The following CADPS2 variants were observed in gnomAD, a reference collection of about 807,000 sequenced individuals.
CADPS2 encodes the protein calcium-dependent secretion activator 2.
In CADPS2, 93 loss-of-function variants were observed where a neutral mutation model predicts 172.5. The observed-to-expected ratio is 0.54, with a 90% CI of 0.46 to 0.64. The LOEUF (loss-of-function observed/expected upper bound fraction) is 0.64. CADPS2 is among the 30% of genes least tolerant of loss of function. CADPS2 has a pLI of 0.00. For missense variants in CADPS2, 1,420 were observed against 1,565.9 expected, an observed-to-expected ratio of 0.91 and a Z score of 1.57; for synonymous variants, 546 against 555.2, an observed-to-expected ratio of 0.98 and a Z score of 0.23.
Position 122,429,004 on chromosome 7 carries a change from A to G in CADPS2, c.2476+9337T>C, listed in dbSNP as rs527966101. Among the ~76,000 whole-genome samples the G allele has an allele frequency of 1.8e-3, 275 of 152,286 alleles. 3 individuals are homozygous for G. Among genetic ancestry groups the G allele is most frequent in the African/African-American group, 6.2e-3 (258 of 41,564 alleles). On this transcript the variant is annotated intron_variant, in intron 17 of 29. Coordinates refer to ENST00000449022, the MANE Select transcript of CADPS2 (RefSeq NM_017954.11). The stretch of plus-strand genomic sequence containing the variant: ...AGACATTTTCTGAGAAAACAAATGA[A>G]TAAAGTAAACATGTCACTTTAAGAA...
chr7:122,409,813 G>T (rs2047086098), intron 19 of CADPS2, among the ~76,000 whole-genome samples: 1 of 152,100 alleles, frequency 6.6e-6, no homozygotes, highest in Non-Finnish European at 1.5e-5. Flanking sequence ...CTTCCTGTGG[G>T]GTGGCTGAGA....
At chr7:122,871,606 A>G (rs1352626634) in intron 1 of CADPS2, among the ~76,000 whole-genome samples, 1 of 152,104 alleles carries the variant, frequency 6.6e-6, no homozygotes, top group African/African-American at 2.4e-5. Context: ...AATACGGTTT[A>G]GGAATGTCAA....
intron 10 of CADPS2, 33 bp from the exon 11 acceptor site, chr7:122,490,314 T>C: frequency 1.3e-6 from 2 of 1,594,456 alleles, no homozygotes; most frequent in East Asian, 4.5e-5. Flanking sequence ...TCATTAAAAA[T>C]TTATAGGATT....
intron 1 of CADPS2, among the ~76,000 whole-genome samples, chr7:122,799,122 T>C (rs1797012732): frequency 6.6e-6 from 1 of 152,132 alleles, no homozygotes; most frequent in Non-Finnish European, 1.5e-5. Flanking sequence ...TTTGTAGTCT[T>C]TGCACCATTC....
At position 122,886,171 on chromosome 7, in the gene CADPS2, G is replaced by C; in HGVS notation, c.167C>G (p.Ser56Cys). Reference protein sequence around the residue: ...GRAGGGGAARSVSPSPSVLSE... With the variant: ...GRAGGGGAARCVSPSPSVLSE... ...GAGCACAGAGGGGCTCGGGCTCACA[G>C]ATCTGGCCGCGCCGCCGCCGCCCGC... Residue 56 changes from serine (S) to cysteine (C), a missense_variant, in exon 1 of 30, where the codon TCT becomes TGT. Coordinates refer to ENST00000449022, the MANE Select transcript of CADPS2 (RefSeq NM_017954.11). The C allele has an allele frequency of 6.7e-7, 1 of 1,492,070 alleles. No individual in the cohort carries two copies. Among genetic ancestry groups the C allele is most frequent in the Non-Finnish European group, 8.9e-7 (1 of 1,128,270 alleles). 92.4% of individuals were successfully genotyped at this position (1,492,070 alleles called of 1,614,324 possible). A position where few individuals can be genotyped will look rare whatever the true frequency, so the allele number is the denominator to read the frequency against.
intron 6 of CADPS2, among the ~76,000 whole-genome samples, chr7:122,582,339 TTCCTC>T (rs1047007297): frequency 6.6e-6 from 1 of 152,016 alleles, no homozygotes; most frequent in Non-Finnish European, 1.5e-5. Context: ...TGTGATTGCC[TTCCTC>T]TCCTATCACA....
At chr7:122,504,815 TCA>T (rs2059489504) in intron 9 of CADPS2, among the ~76,000 whole-genome samples, 1 of 152,230 alleles carries the variant, frequency 6.6e-6, no homozygotes, top group Admixed American at 6.5e-5. Flanking sequence ...TCAAGCAATC[TCA>T]GTTTCTGGAG....
At chr7:122,501,840 A>G (rs1586674723) in intron 9 of CADPS2, among the ~76,000 whole-genome samples, 1 of 138,744 alleles carries the variant, frequency 7.2e-6, no homozygotes, top group Non-Finnish European at 1.5e-5. Flanking sequence ...GCACCACTGC[A>G]CTCCAGCCTG....
chr7:122,838,612 C>T (rs998801195), intron 1 of CADPS2, among the ~76,000 whole-genome samples: 3 of 152,182 alleles, frequency 2.0e-5, no homozygotes, highest in Admixed American at 1.3e-4. Flanking sequence ...GCAAAAATCA[C>T]AAGCATTCTT....
chr7:122,495,338 T>A (rs533820691), intron 9 of CADPS2, among the ~76,000 whole-genome samples: 1 of 152,312 alleles, frequency 6.6e-6, no homozygotes, highest in African/African-American at 2.4e-5. Context: ...ATGATGACTT[T>A]TCTGTTTATT....
At chr7:122,774,083 T>G (rs1246451494) in intron 1 of CADPS2, among the ~76,000 whole-genome samples, 2 of 151,988 alleles carry the variant, frequency 1.3e-5, no homozygotes, top group East Asian at 3.9e-4. Flanking sequence ...GCATTTTAGA[T>G]TTTAAAATAA....
At chr7:122,382,467 G>C (rs1445023279) in intron 24 of CADPS2, among the ~76,000 whole-genome samples, 1 of 152,070 alleles carries the variant, frequency 6.6e-6, no homozygotes, top group African/African-American at 2.4e-5. Context: ...GCTTAAACTA[G>C]TTCATAAAAG....
intron 25 of CADPS2, among the ~76,000 whole-genome samples, chr7:122,362,236 G>T (rs1170656585): frequency 6.6e-6 from 1 of 152,152 alleles, no homozygotes; most frequent in Non-Finnish European, 1.5e-5. Context: ...GCACATATAA[G>T]GATCATCCCT....
chr7:122,825,530 A>G (rs1239006517), intron 1 of CADPS2, among the ~76,000 whole-genome samples: 2 of 152,252 alleles, frequency 1.3e-5, no homozygotes, highest in African/African-American at 4.8e-5. Flanking sequence ...AAGATTGACC[A>G]AAAGTGGTTA....
intron 2 of CADPS2, chr7:122,703,098 G>C (rs1243054754): frequency 4.8e-6 from 1 of 207,528 alleles, no homozygotes; most frequent in African/African-American, 2.3e-5. Context: ...TAAGCAATGA[G>C]TCAAGATACA....
chr7:122,696,715 A>T (rs1298139101), intron 2 of CADPS2, among the ~76,000 whole-genome samples: 1 of 152,204 alleles, frequency 6.6e-6, no homozygotes, highest in Non-Finnish European at 1.5e-5. Flanking sequence ...TTCTGGGCTA[A>T]AATTATAATT....
At chr7:122,541,858 T>C (rs1257392103) in intron 8 of CADPS2, among the ~76,000 whole-genome samples, 3 of 79,724 alleles carry the variant, frequency 3.8e-5, no homozygotes, top group Non-Finnish European at 7.0e-5. Context: ...CATATATATT[T>C]ATATATATGC....
chr7:122,597,401 G>T (rs981630706), intron 6 of CADPS2, among the ~76,000 whole-genome samples: 2 of 152,110 alleles, frequency 1.3e-5, no homozygotes, highest in Non-Finnish European at 2.9e-5. Flanking sequence ...TGGTCTGAAT[G>T]TATGTGTCCC....
chr7:122,487,515 T>A (rs1349607309), intron 11 of CADPS2, among the ~76,000 whole-genome samples: 1 of 151,904 alleles, frequency 6.6e-6, no homozygotes, highest in Admixed American at 6.6e-5. Flanking sequence ...AAAGAATAAA[T>A]ATGGATAGCA....
Sources: gnomAD v4.1 joint callset for allele counts (sites outside exome capture counted in the v4.1 genomes callset) on GRCh38, gnomAD v4.1.1 for gene constraint, MANE v1.5 for transcripts, NCBI Gene and HGNC (gene_info 2026-07-23, HGNC 2026-07-21) for gene names.